RAB3C: variants seen among roughly 807,000 people sequenced by gnomAD.
RAB3C encodes the protein ras-related protein Rab-3C.
In RAB3C, 17 loss-of-function variants were observed where a neutral mutation model predicts 26.4. The ratio of observed to expected loss-of-function variants is 0.64; its 90% CI spans 0.44 to 0.97. The LOEUF (loss-of-function observed/expected upper bound fraction) is 0.97. RAB3C is among the 50% of genes least tolerant of loss of function. RAB3C has a pLI of 0.00. For synonymous variants in RAB3C, 91 were observed against 95.9 expected (o/e 0.95, Z 0.30); for missense variants, 242 against 281.9 (o/e 0.86, Z 1.01).
intron 3 of RAB3C, among the ~76,000 whole-genome samples, chr5:58,807,458 A>T (rs2112034755): frequency 6.6e-6 from 1 of 152,334 alleles, no homozygotes; most frequent in South Asian, 2.1e-4. Context: ...GCTGTAACAA[A>T]ATACCATAGA....
At chr5:58,616,292 A>G (rs1746824295) in intron 1 of RAB3C, among the ~76,000 whole-genome samples, 2 of 152,324 alleles carry the variant, frequency 1.3e-5, no homozygotes, top group East Asian at 1.9e-4. Flanking sequence ...TGTGGCTAGT[A>G]GGATTGAGGA....
chr5:58,631,541 T>A (rs1040519772), intron 2 of RAB3C, among the ~76,000 whole-genome samples: 19 of 152,204 alleles, frequency 1.2e-4, no homozygotes, highest in African/African-American at 4.6e-4. Context: ...ACAAGTTAAA[T>A]CATGGGTCAT....
chr5:58,702,451 C>T lies in RAB3C; in HGVS notation c.253-23551C>T, dbSNP rs113829158. On this transcript the variant is annotated intron_variant, in intron 2 of 4. Transcript: ENST00000282878. Reference sequence around the variant, plus strand: ...TTCTGCTGACAGGCTCAACACAAAACATTACTTTCTTTAGAAAGACTCCAT... The same window carrying T: ...TTCTGCTGACAGGCTCAACACAAAATATTACTTTCTTTAGAAAGACTCCAT... Among the ~76,000 whole-genome samples, 904 of 152,276 alleles carry T rather than the reference C, an allele frequency of 5.9e-3. 4 individuals carry two copies. Among genetic ancestry groups the T allele is most frequent in the African/African-American group, 0.019 (789 of 41,550 alleles).
chr5:58,772,224 A>G (rs1742043439), intron 3 of RAB3C, among the ~76,000 whole-genome samples: 2 of 152,166 alleles, frequency 1.3e-5, no homozygotes, highest in African/African-American at 4.8e-5. Flanking sequence ...GTACTTGGTT[A>G]ACAATAGGGA....
At chr5:58,767,460 T>C (rs1741930046) in intron 3 of RAB3C, among the ~76,000 whole-genome samples, 2 of 152,240 alleles carry the variant, frequency 1.3e-5, no homozygotes, top group African/African-American at 4.8e-5. Flanking sequence ...GATACTCTGC[T>C]GTGTACTGCA....
chr5:58,729,425 C>G (rs976878301), intron 3 of RAB3C, among the ~76,000 whole-genome samples: 8 of 151,872 alleles, frequency 5.3e-5, no homozygotes, highest in Admixed American at 1.3e-4. Flanking sequence ...CCCTGCACCC[C>G]TCAGCAAACA....
rs1746668435 is a variant in RAB3C, at chr5:58,610,194, C to CTCTGTGTGTGTGTGTGTG, written c.25-7448_25-7447insCTGTGTGTGTGTGTGTGT. Among the ~76,000 whole-genome samples the CTCTGTGTGTGTGTGTGTG allele has an allele frequency of 2.8e-5, 4 of 143,490 alleles. No homozygotes were observed. In the South Asian group the frequency reaches 9.1e-4, roughly 33 times the overall value. The allele number at this position is 143,490 out of a possible 152,430, so 94.1% of individuals were successfully genotyped here. A position where few individuals can be genotyped will look rare whatever the true frequency, so the allele number is the denominator to read the frequency against. On this transcript the variant is annotated intron_variant, in intron 1 of 4. Coordinates refer to ENST00000282878, the MANE Select transcript of RAB3C (RefSeq NM_138453.4). Reference sequence around the variant, plus strand: ...TCAGAAAAAAATGATTTTTGTTTTTCTGTGTGTGTGTGTGTGTGTGTGTGT... The same window carrying CTCTGTGTGTGTGTGTGTG: ...TCAGAAAAAAATGATTTTTGTTTTTCTCTGTGTGTGTGTGTGTGTGTGTGTGTGTGTGTGTGTGTGTGT...
At chr5:58,760,924 A>C (rs1456420810) in intron 3 of RAB3C, among the ~76,000 whole-genome samples, 1 of 152,226 alleles carries the variant, frequency 6.6e-6, no homozygotes, top group Non-Finnish European at 1.5e-5. Flanking sequence ...CTTCCAGTTA[A>C]ATAGATAACG....
At chr5:58,833,545 C>G (rs1743668233) in intron 4 of RAB3C, among the ~76,000 whole-genome samples, 1 of 152,048 alleles carries the variant, frequency 6.6e-6, no homozygotes, top group South Asian at 2.1e-4. Context: ...GGGATACAAA[C>G]AAGGAATTAG....
chr5:58,632,052 AC>A (rs1747193197), intron 2 of RAB3C, among the ~76,000 whole-genome samples: 1 of 152,222 alleles, frequency 6.6e-6, no homozygotes, highest in African/African-American at 2.4e-5. Context: ...ATCTGCTGAG[AC>A]CTTTCAGCCT....
intron 2 of RAB3C, among the ~76,000 whole-genome samples, chr5:58,667,082 A>G (rs952812826): frequency 2.6e-5 from 4 of 152,166 alleles, no homozygotes; most frequent in Non-Finnish European, 4.4e-5. Context: ...TGCTTTCCCA[A>G]TGTCTTTTCA....
chr5:58,634,162 G>T (rs992146502), intron 2 of RAB3C, among the ~76,000 whole-genome samples: 2 of 151,696 alleles, frequency 1.3e-5, no homozygotes, highest in African/African-American at 4.8e-5. Flanking sequence ...AAAATTGTTT[G>T]TTTGTACTCC....
At chr5:58,608,716 C>T (rs1024827545) in intron 1 of RAB3C, among the ~76,000 whole-genome samples, 2 of 152,154 alleles carry the variant, frequency 1.3e-5, no homozygotes, top group Non-Finnish European at 2.9e-5. Context: ...ATAAATCATG[C>T]TACTATAAAG....
intron 1 of RAB3C, among the ~76,000 whole-genome samples, chr5:58,607,318 T>C (rs998052130): frequency 1.1e-4 from 17 of 152,026 alleles, no homozygotes; most frequent in Admixed American, 3.3e-4. Flanking sequence ...TATCAGTGAT[T>C]GAGAATCAAA....
chr5:58,686,852 T>C (rs930124403), intron 2 of RAB3C, among the ~76,000 whole-genome samples: 2 of 152,116 alleles, frequency 1.3e-5, no homozygotes, highest in African/African-American at 4.8e-5. Context: ...GTCCAGCCCA[T>C]TGACCACTAA....
intron 2 of RAB3C, among the ~76,000 whole-genome samples, chr5:58,676,239 C>T (rs1748222938): frequency 6.6e-6 from 1 of 152,072 alleles, no homozygotes; most frequent in South Asian, 2.1e-4. Flanking sequence ...CGGCGTGGCT[C>T]ACACCTGTAA....
At chr5:58,768,136 C>CAG in intron 3 of RAB3C, among the ~76,000 whole-genome samples, 1 of 152,192 alleles carries the variant, frequency 6.6e-6, no homozygotes, top group Middle Eastern at 3.4e-3. Flanking sequence ...GAGTGGAAGG[C>CAG]AGAGACCTGT....
At chr5:58,698,892 G>A (rs1309851628) in intron 2 of RAB3C, among the ~76,000 whole-genome samples, 1 of 152,094 alleles carries the variant, frequency 6.6e-6, no homozygotes, top group African/African-American at 2.4e-5. Flanking sequence ...GCTCGGAGAA[G>A]TTTGTTATTA....
At chr5:58,586,694 T>G (rs753440186) in intron 1 of RAB3C, among the ~76,000 whole-genome samples, 8 of 151,966 alleles carry the variant, frequency 5.3e-5, no homozygotes, top group South Asian at 4.2e-4. Flanking sequence ...TGAGGAAAAT[T>G]CAAAGAAATA....
Sources: allele counts gnomAD v4.1 joint callset (sites outside exome capture counted in the v4.1 genomes callset), GRCh38; gene constraint gnomAD v4.1.1; transcripts MANE v1.5; gene names NCBI Gene and HGNC (gene_info 2026-07-23, HGNC 2026-07-21).